The following CSNK1G3 variants were observed in gnomAD, a reference collection of about 807,000 sequenced individuals.
The protein encoded by CSNK1G3 is casein kinase 1 gamma 3.
Under a neutral mutation model 64.3 loss-of-function variants are expected in CSNK1G3, and 23 were observed. That is an observed-to-expected ratio of 0.36 (90% confidence interval 0.26 to 0.51). The LOEUF is 0.51. CSNK1G3 is among the 20% of genes least tolerant of loss of function. The probability of loss-of-function intolerance (pLI) is 0.96; values close to 1 mark genes in which losing one functional copy is unlikely to be tolerated. For synonymous variants in CSNK1G3, 158 were observed against 162.2 expected, an observed-to-expected ratio of 0.97 and a Z score of 0.20; for missense variants, 357 against 510.5, an observed-to-expected ratio of 0.70 and a Z score of 2.90.
chr5:123,547,425 C>T (rs748185579), intron 2 of CSNK1G3, among the ~76,000 whole-genome samples: 58 of 151,940 alleles, frequency 3.8e-4, no homozygotes, highest in Non-Finnish European at 4.4e-4. Context: ...TATACACACA[C>T]GGCACATGTA....
In CSNK1G3 at chr5:123,559,216, C is replaced by T. The variant is rs535297159; in HGVS notation, c.289+1652C>T. 2.0e-5 allele frequency among the ~76,000 whole-genome samples: 3 copies of T among 150,176 alleles called. No individual in the cohort carries two copies. The South Asian group carries it at 6.3e-4, about 32-fold the overall frequency. On this transcript the variant is annotated intron_variant, in intron 4 of 12. Coordinates refer to ENST00000345990, the Ensembl canonical transcript of CSNK1G3. The stretch of plus-strand genomic sequence containing the variant: ...GGGAGGTGATTGCCTACTGGGAAAT[C>T]GAGGTGTTATATAAGGGGGATTGGA...
intron 12 of CSNK1G3, among the ~76,000 whole-genome samples, chr5:123,612,082 T>A (rs191990551): frequency 2.0e-5 from 3 of 152,232 alleles, no homozygotes; most frequent in African/African-American, 7.2e-5. Flanking sequence ...GACTGGGTAA[T>A]CCATTTCAGT....
At chr5:123,594,965 T>G in intron 10 of CSNK1G3, 74 bp from the exon 11 acceptor site, 5 of 1,256,980 alleles carry the variant, frequency 4.0e-6, no homozygotes, top group Non-Finnish European at 5.7e-6. Flanking sequence ...GTTTTATATA[T>G]TATGAGGATA....
intron 5 of CSNK1G3, among the ~76,000 whole-genome samples, chr5:123,575,437 A>T (rs1443430975): frequency 6.6e-6 from 1 of 152,164 alleles, no homozygotes; most frequent in Non-Finnish European, 1.5e-5. Context: ...TTTTGATTTT[A>T]TGAAGTAGCA....
At chr5:123,530,086 CAA>C (rs780395896) in intron 1 of CSNK1G3, among the ~76,000 whole-genome samples, 11 of 127,740 alleles carry the variant, frequency 8.6e-5, no homozygotes, top group Admixed American at 8.0e-5. Flanking sequence ...GACCCTGTCT[CAA>C]AAAAAAAAAA....
chr5:123,587,988 A>G, intron 6 of CSNK1G3, 80 bp from the exon 7 acceptor site: 3 of 879,828 alleles, frequency 3.4e-6, no homozygotes, highest in South Asian at 3.1e-5. Flanking sequence ...TAATTTATAC[A>G]TAATGAAAGA....
intron 6 of CSNK1G3, among the ~76,000 whole-genome samples, chr5:123,583,427 C>T (rs1790715079): frequency 6.7e-6 from 1 of 149,448 alleles, no homozygotes; most frequent in African/African-American, 2.5e-5. Context: ...ATGGCGCGAT[C>T]TTGGCTCACC....
At chr5:123,521,433 C>T (rs974343319) in intron 1 of CSNK1G3, among the ~76,000 whole-genome samples, 4 of 151,972 alleles carry the variant, frequency 2.6e-5, no homozygotes, top group Non-Finnish European at 5.9e-5. Context: ...ATAATCAGCT[C>T]CTTAAGATAA....
intron 1 of CSNK1G3, among the ~76,000 whole-genome samples, chr5:123,519,512 T>C (rs559906506): frequency 2.4e-4 from 36 of 152,372 alleles, no homozygotes; most frequent in African/African-American, 8.7e-4. Flanking sequence ...ATAAACTTGT[T>C]TAAATTTTTT....
In CSNK1G3 at chr5:123,613,446, TA is replaced by T. The variant is rs1375856226; in HGVS notation, c.1218-894del. On this transcript the variant is annotated intron_variant, in intron 12 of 12. Coordinates refer to ENST00000345990, the Ensembl canonical transcript of CSNK1G3. ...GTGTGTGTGTGTGCGTATGTATGTA[TA>T]ATATAATATATGTGTGTACATTTAT... 5.9e-5 allele frequency among the ~76,000 whole-genome samples: 9 copies of T among 152,098 alleles called. No homozygotes were observed. The South Asian group carries it at 6.2e-4, about 11-fold the overall frequency.
At chr5:123,615,847 T>G (rs1257130851) in exon 13 of CSNK1G3, 1 of 152,224 alleles carries the variant, frequency 6.6e-6, no homozygotes, top group East Asian at 1.9e-4. Flanking sequence ...AGTGTGTGCC[T>G]CCAGGCATGC....
chr5:123,521,313 T>G (rs918244452), intron 1 of CSNK1G3, among the ~76,000 whole-genome samples: 1 of 152,154 alleles, frequency 6.6e-6, no homozygotes, highest in Admixed American at 6.5e-5. Context: ...AAAAAAAGGA[T>G]CTTTACTGAG....
At chr5:123,514,893 A>G (rs1776869432) in intron 1 of CSNK1G3, among the ~76,000 whole-genome samples, 1 of 152,122 alleles carries the variant, frequency 6.6e-6, no homozygotes, top group Admixed American at 6.5e-5. Flanking sequence ...AAGATGAGTC[A>G]GTTTGAGGCA....
At chr5:123,532,454 A>G (rs572427308) in intron 1 of CSNK1G3, among the ~76,000 whole-genome samples, 36 of 152,054 alleles carry the variant, frequency 2.4e-4, no homozygotes, top group Non-Finnish European at 4.6e-4. Context: ...GAATATATTT[A>G]TAAAGCAATT....
rs559769721 is a variant in CSNK1G3, at chr5:123,594,987, A to C, written c.1086+3573A>C. 631 of 1,473,462 alleles carry C rather than the reference A, an allele frequency of 4.3e-4. 1 individual carries two copies. The highest frequency in any genetic ancestry group is 5.6e-4 in the Admixed American group (32 of 57,368). The allele number at this position is 1,473,462 out of a possible 1,614,324, so 91.3% of individuals were successfully genotyped here. A position where few individuals can be genotyped will look rare whatever the true frequency, so the allele number is the denominator to read the frequency against. On this transcript the variant is annotated intron_variant, in intron 10 of 12. Coordinates refer to ENST00000345990, the Ensembl canonical transcript of CSNK1G3. ...ATATTATGAGGATAAAATGTTTAACATATTGGGTTTTTCTTCTTCCATGCA... is the reference window on the plus strand; with the variant it reads ...ATATTATGAGGATAAAATGTTTAACCTATTGGGTTTTTCTTCTTCCATGCA...
At chr5:123,539,887 A>T (rs549896045) in intron 1 of CSNK1G3, among the ~76,000 whole-genome samples, 23 of 152,086 alleles carry the variant, frequency 1.5e-4, no homozygotes, top group Middle Eastern at 3.4e-3. Flanking sequence ...TTTTCAAGGG[A>T]TTTGTCCATT....
chr5:123,610,045 G>A (rs1796046751), intron 12 of CSNK1G3, among the ~76,000 whole-genome samples: 1 of 152,092 alleles, frequency 6.6e-6, no homozygotes, highest in South Asian at 2.1e-4. Flanking sequence ...TGAGAAAATG[G>A]GAAAATTTTG....
intron 10 of CSNK1G3, among the ~76,000 whole-genome samples, chr5:123,602,513 A>T (rs951650093): frequency 1.3e-5 from 2 of 152,154 alleles, no homozygotes; most frequent in Non-Finnish European, 2.9e-5. Flanking sequence ...TCAGTTGTCA[A>T]CTCTGTAGCC....
intron 8 of CSNK1G3, among the ~76,000 whole-genome samples, chr5:123,589,978 A>G (rs918706284): frequency 6.6e-6 from 1 of 152,102 alleles, no homozygotes; most frequent in African/African-American, 2.4e-5. Flanking sequence ...TTCTAAAGGA[A>G]ATCCAGCAAG....
Sources: gnomAD v4.1 joint callset for allele counts (sites outside exome capture counted in the v4.1 genomes callset) on GRCh38, gnomAD v4.1.1 for gene constraint, MANE v1.5 for transcripts, NCBI Gene and HGNC (gene_info 2026-07-23, HGNC 2026-07-21) for gene names.